Variants in TANC1 observed in about 807,000 individuals in gnomAD.
The protein encoded by TANC1 is protein TANC1.
TANC1 carries 77 observed loss-of-function variants against 149.7 expected under a neutral mutation model. That is an observed-to-expected ratio of 0.51 (90% CI 0.43 to 0.62). The LOEUF is 0.62. Among genes scored for constraint, TANC1 ranks in the 20% least tolerant of loss-of-function variants. The pLI is 0.00. For missense variants in TANC1, 1,985 were observed against 2,321.8 expected (o/e 0.85, Z 2.98); for synonymous variants, 854 against 925.0 (o/e 0.92, Z 1.39).
At chr2:159,018,707 T>A (rs1213847259) in intron 2 of TANC1, among the ~76,000 whole-genome samples, 1 of 152,202 alleles carries the variant, frequency 6.6e-6, no homozygotes, top group East Asian at 1.9e-4. Context: ...TGAATTTGTG[T>A]ATCCTAGGTA....
chr2:159,132,717 TG>T (rs1192391498), intron 4 of TANC1, among the ~76,000 whole-genome samples: 1 of 150,484 alleles, frequency 6.6e-6, no homozygotes, highest in Non-Finnish European at 1.5e-5. Flanking sequence ...CAGGCTGGTC[TG>T]GAACTCATGA....
At chr2:159,225,836 T>C (rs2059990939) in intron 24 of TANC1, 57 bp downstream of exon 24, 5 of 1,289,328 alleles carry the variant, frequency 3.9e-6, no homozygotes, top group East Asian at 2.4e-5. Context: ...ACCCTCTTAA[T>C]TGGGTACATA....
At chr2:159,228,069 C>A in intron 25 of TANC1, 104 bp downstream of exon 25, 3 of 1,304,588 alleles carry the variant, frequency 2.3e-6, no homozygotes, top group Non-Finnish European at 3.2e-6. Context: ...CCCTCCTGTC[C>A]AATTTGCTTG....
At chr2:159,224,508 C>T in intron 23 of TANC1, 144 bp downstream of exon 23, 1 of 873,274 alleles carries the variant, frequency 1.1e-6, no homozygotes, top group Non-Finnish European at 1.7e-6. Context: ...CTCACTTAAT[C>T]ACCATTATAC....
chr2:159,076,836 A>G (rs1451765109), intron 3 of TANC1, among the ~76,000 whole-genome samples: 1 of 152,198 alleles, frequency 6.6e-6, no homozygotes, highest in African/African-American at 2.4e-5. Flanking sequence ...AGTGGTTTAT[A>G]CTATGTCTCC....
intron 1 of TANC1, among the ~76,000 whole-genome samples, chr2:158,987,213 C>CAAAAA (rs34300029): frequency 1.3e-5 from 1 of 76,024 alleles, no homozygotes; most frequent in African/African-American, 6.0e-5. Flanking sequence ...GACTCATCTC[C>CAAAAA]AAAAAAAAAA....
At chr2:159,201,494 G>A (rs978519646) in intron 19 of TANC1, among the ~76,000 whole-genome samples, 8 of 152,222 alleles carry the variant, frequency 5.3e-5, no homozygotes, top group African/African-American at 1.4e-4. Flanking sequence ...TCCCCAGCCT[G>A]TGTGGCTGTA....
At chr2:159,115,498 A>G (rs910341015) in intron 4 of TANC1, among the ~76,000 whole-genome samples, 4 of 152,128 alleles carry the variant, frequency 2.6e-5, no homozygotes, top group Non-Finnish European at 5.9e-5. Flanking sequence ...GGGAAGGAAG[A>G]AAGTGCAGAA....
At chr2:158,998,796 G>C (rs906906016) in intron 1 of TANC1, among the ~76,000 whole-genome samples, 1 of 152,206 alleles carries the variant, frequency 6.6e-6, no homozygotes, top group Non-Finnish European at 1.5e-5. Context: ...ATAATGTAGA[G>C]TGCCTGAGCA....
chr2:159,093,059 G>A (rs2045713323), intron 3 of TANC1, among the ~76,000 whole-genome samples: 1 of 152,124 alleles, frequency 6.6e-6, no homozygotes, highest in African/African-American at 2.4e-5. Flanking sequence ...GGGGTAGGTG[G>A]GACTGTCTGT....
chr2:159,148,644 A>C (rs2150307513), intron 5 of TANC1: 1 of 152,498 alleles, frequency 6.6e-6, no homozygotes, highest in Middle Eastern at 3.4e-3. Context: ...GTGCACAGGA[A>C]GTTTTCCACC....
At chr2:159,045,141 G>A (rs2040941077) in intron 2 of TANC1, among the ~76,000 whole-genome samples, 1 of 152,196 alleles carries the variant, frequency 6.6e-6, no homozygotes, top group Admixed American at 6.5e-5. Context: ...CACAAGAGGT[G>A]ATAGTGTATA....
chr2:159,087,154 C>T (rs1456701531), intron 3 of TANC1, among the ~76,000 whole-genome samples: 1 of 112,000 alleles, frequency 8.9e-6, no homozygotes, highest in African/African-American at 3.5e-5. Context: ...TCAAAAAGCC[C>T]GTTCCTGAAA....
At chr2:159,094,724 A>G (rs1196647134) in intron 3 of TANC1, among the ~76,000 whole-genome samples, 1 of 139,204 alleles carries the variant, frequency 7.2e-6, no homozygotes, top group East Asian at 2.2e-4. Context: ...TGACAATGGT[A>G]TCTTACAGTG....
chr2:159,122,660 G>A (rs543776691), intron 4 of TANC1, among the ~76,000 whole-genome samples: 2 of 152,036 alleles, frequency 1.3e-5, no homozygotes, highest in Non-Finnish European at 2.9e-5. Context: ...TTCAGATGTC[G>A]TGTTTAGAAT....
chr2:159,173,103 T>C (rs2055432345), intron 11 of TANC1, among the ~76,000 whole-genome samples: 2 of 152,080 alleles, frequency 1.3e-5, no homozygotes, highest in Admixed American at 6.5e-5. Flanking sequence ...AGATGAGTGA[T>C]GTAGTGCAGA....
intron 1 of TANC1, among the ~76,000 whole-genome samples, chr2:158,978,130 G>T (rs1205514790): frequency 6.6e-6 from 1 of 152,092 alleles, no homozygotes; most frequent in African/African-American, 2.4e-5. Context: ...CTTTTTGATG[G>T]TAGGGGGTCC....
chr2:159,187,361 A>C (rs2057073005), intron 16 of TANC1, among the ~76,000 whole-genome samples: 1 of 152,242 alleles, frequency 6.6e-6, no homozygotes, highest in African/African-American at 2.4e-5. Flanking sequence ...GTCCTGCGTT[A>C]CTAATCTGGA....
rs762198463 is a variant in TANC1, at chr2:159,230,032, A to G, written c.4606A>G (p.Thr1536Ala). The G allele has an allele frequency of 1.2e-6, 2 of 1,613,654 alleles. No individual in the cohort carries two copies. Among genetic ancestry groups the G allele is most frequent in the East Asian group, 2.2e-5 (1 of 44,858 alleles). The change falls in exon 27 of 27, where the codon ACC becomes GCC. Residue 1536 changes from threonine to alanine, a missense_variant. Thr to Ala is a moderately conservative substitution (Grantham distance 58). This residue lies in a region of TANC1 where 920 missense variants were observed against 994.7 expected (regional missense o/e 0.92). Transcript: ENST00000263635. The surrounding 1 kb of genome is among the most constrained non-coding windows in gnomAD (Gnocchi z 4.4). The stretch of plus-strand genomic sequence containing the variant: ...CTCCAAGCAGGCCCAGATCGTGAAA[A>G]CCAGCCAGCACCTGGGCTCTGGCCA... ...QPSKQAQIVK[T>A]SQHLGSGQSA...
Sources: gnomAD v4.1 joint callset for allele counts (sites outside exome capture counted in the v4.1 genomes callset) on GRCh38, gnomAD v4.1.1 for gene constraint, gnomAD v4.1.1 regional missense constraint, Gnocchi (gnomAD v3.1) non-coding constraint, MANE v1.5 for transcripts, NCBI Gene and HGNC (gene_info 2026-07-23, HGNC 2026-07-21) for gene names.